Variants in CROCC2 observed in about 807,000 individuals in gnomAD.
CROCC2 encodes the protein ciliary rootlet coiled-coil, rootletin family member 2, also known as ciliary rootlet coiled-coil protein 2.
A neutral mutation model predicts 177.6 loss-of-function variants in CROCC2; 163 were observed. That is an observed-to-expected ratio of 0.92 (90% confidence interval 0.81 to 1.05). CROCC2 has a LOEUF of 1.05. CROCC2 is among the 50% of genes least tolerant of loss of function. The probability of loss-of-function intolerance (pLI) is 0.00; values close to 1 mark genes in which losing one functional copy is unlikely to be tolerated. For missense variants in CROCC2, 1,929 were observed against 1,797.8 expected (o/e 1.07, Z -1.32); for synonymous variants, 904 against 787.3 (o/e 1.15, Z -2.48).
chr2:240,966,137 A>G (rs2106480600), intron 24 of CROCC2, 88 bp from the exon 25 acceptor site: 1 of 1,247,550 alleles, frequency 8.0e-7, no homozygotes, highest in Non-Finnish European at 1.0e-6. Flanking sequence ...CCAACCTCCC[A>G]TGGCTGGGGC....
In CROCC2 at chr2:240,932,691, G is replaced by T; in HGVS notation, c.1045-11G>T. 2 of 734,156 alleles carry T rather than the reference G, an allele frequency of 2.7e-6. No individual in the cohort carries two copies. The highest frequency in any genetic ancestry group is 2.7e-5 in the East Asian group (1 of 37,344). The allele number at this position is 734,156 out of a possible 1,614,324, so 45.5% of individuals were successfully genotyped here. On this transcript the variant is annotated splice_polypyrimidine_tract_variant and intron_variant, in intron 8 of 31. Transcript: ENST00000690015. ...TGGGCCCCTCTATCCCTTCCTCTCTGCACCTTGAAGGTGGCCCAGGAGGAC... is the reference window on the plus strand; with the variant it reads ...TGGGCCCCTCTATCCCTTCCTCTCTTCACCTTGAAGGTGGCCCAGGAGGAC...
At chr2:240,964,649 C>T (rs1285593145) in intron 22 of CROCC2, 24 bp downstream of exon 22, 15 of 1,543,720 alleles carry the variant, frequency 9.7e-6, no homozygotes, top group Non-Finnish European at 1.1e-5. Context: ...GAGGGGTCAA[C>T]ATCCAACCAG....
intron 15 of CROCC2, among the ~76,000 whole-genome samples, chr2:240,946,965 G>A (rs1333878980): frequency 1.3e-5 from 2 of 152,252 alleles, no homozygotes; most frequent in East Asian, 1.9e-4. Context: ...AAGTTGGGAC[G>A]GGCACTCGCA....
chr2:240,968,727 C>A (rs1033670770), intron 27 of CROCC2, among the ~76,000 whole-genome samples: 2 of 152,250 alleles, frequency 1.3e-5, no homozygotes, highest in African/African-American at 4.8e-5. Flanking sequence ...ACAGAAGGGG[C>A]CTCTCAGGAA....
intron 18 of CROCC2, chr2:240,955,044 A>G (rs887848183): frequency 2.6e-5 from 4 of 152,044 alleles, no homozygotes; most frequent in African/African-American, 9.7e-5. Context: ...TGAAAAGTCT[A>G]TGCCGGCTCC....
intron 28 of CROCC2, among the ~76,000 whole-genome samples, chr2:240,984,538 CCCAGGCACTCACTCCACACACA>C (rs1487073309): frequency 1.4e-4 from 16 of 117,654 alleles, no homozygotes; most frequent in African/African-American, 4.1e-4. Context: ...TCCACACACA[CCCAGGCACTCACTCCACACACA>C]CCCAGGCACT....
intron 30 of CROCC2, 41 bp downstream of exon 30, chr2:240,989,874 A>G: frequency 6.7e-7 from 1 of 1,494,210 alleles, no homozygotes; most frequent in Non-Finnish European, 9.0e-7. Context: ...GGGAAGAGGC[A>G]GGGACAGAGG....
At chr2:240,967,131 A>C (rs2059689166) in intron 25 of CROCC2, among the ~76,000 whole-genome samples, 1 of 150,826 alleles carries the variant, frequency 6.6e-6, no homozygotes, top group Non-Finnish European at 1.5e-5. Context: ...GGGCGCCTCC[A>C]CCTCCCCAGG....
In CROCC2 at chr2:240,973,329, C is replaced by T. The variant is rs548372044; in HGVS notation, c.4401+5067C>T. 4.5e-4 allele frequency among the ~76,000 whole-genome samples: 68 copies of T among 152,262 alleles called. No individual in the cohort carries two copies. Among genetic ancestry groups the T allele is most frequent in the South Asian group, 3.9e-3 (19 of 4,816 alleles). ...CCGTGGTGTCAGGACACGCACGGAA[C>T]GCAGCAGCAGTGCCCAAGTAGCTGG... On this transcript the variant is annotated intron_variant, in intron 27 of 31. Coordinates refer to ENST00000690015, the MANE Select transcript of CROCC2 (RefSeq NM_001351305.2). The surrounding 1 kb of genome is among the most constrained non-coding windows in gnomAD (Gnocchi z 4.7).
chr2:240,986,915 C>A (rs1399891397), intron 28 of CROCC2, among the ~76,000 whole-genome samples: 1 of 152,200 alleles, frequency 6.6e-6, no homozygotes, highest in East Asian at 1.9e-4. Context: ...AGCAGGGTGG[C>A]CCTTCCCAAG....
intron 18 of CROCC2, chr2:240,955,214 T>C (rs2059583218): frequency 6.6e-6 from 1 of 152,168 alleles, no homozygotes; most frequent in Non-Finnish European, 1.5e-5. Flanking sequence ...TGCCTCCAGC[T>C]TTGTTGCCAT....
chr2:240,948,825 A>G (rs926382910), intron 15 of CROCC2, among the ~76,000 whole-genome samples, 154 bp from the exon 16 acceptor site: 4 of 152,246 alleles, frequency 2.6e-5, no homozygotes, highest in Non-Finnish European at 5.9e-5. Context: ...TTAACAGCAC[A>G]TGGTGCTCCA....
rs1199583026 is a variant in CROCC2 at position 240,964,460 on chromosome 2, C to T, written c.3306-6C>T. ...CGGGGGCCCCAGCCTGTGGCACCCT[C>T]GTCAGTTTTAAGCGGTCCAAGGAGG... On this transcript the variant is annotated splice_region_variant and splice_polypyrimidine_tract_variant and intron_variant, in intron 21 of 31. Transcript: ENST00000690015. The T allele has an allele frequency of 2.6e-6, 4 of 1,548,416 alleles. No individual in the cohort carries two copies. The highest frequency in any genetic ancestry group is 2.7e-5 in the African/African-American group (2 of 73,078).
rs2059332769 is a variant in CROCC2 at position 240,918,248 on chromosome 2, A to G, written c.79-478A>G. 6.6e-6 allele frequency among the ~76,000 whole-genome samples: 1 copy of G among 151,824 alleles called. No individual in the cohort carries two copies. Among genetic ancestry groups the G allele is most frequent in the African/African-American group, 2.4e-5 (1 of 41,304 alleles). Reference sequence around the variant, plus strand: ...AGCCCCCACCCCCCAACAAACACACACAAACACACTGGGCTCTGTGACTGC... The same window carrying G: ...AGCCCCCACCCCCCAACAAACACACGCAAACACACTGGGCTCTGTGACTGC... On this transcript the variant is annotated intron_variant, in intron 1 of 31. Transcript: ENST00000690015. The surrounding 1 kb of genome is among the most constrained non-coding windows in gnomAD (Gnocchi z 6.3).
intron 14 of CROCC2, among the ~76,000 whole-genome samples, chr2:240,942,194 G>A (rs892270546): frequency 6.6e-6 from 1 of 152,066 alleles, no homozygotes; most frequent in African/African-American, 2.4e-5. Flanking sequence ...CATACTTTTT[G>A]CTCTTGTTGT....
At chr2:240,945,266 A>G (rs1240545316) in intron 14 of CROCC2, among the ~76,000 whole-genome samples, 1 of 152,178 alleles carries the variant, frequency 6.6e-6, no homozygotes, top group Non-Finnish European at 1.5e-5. Context: ...GCAGGCAGTG[A>G]ACGTAGAAGG....
intron 27 of CROCC2, among the ~76,000 whole-genome samples, chr2:240,968,618 C>T (rs2059701151): frequency 6.6e-6 from 1 of 152,236 alleles, no homozygotes; most frequent in Admixed American, 6.5e-5. Context: ...GCTGAGGCCA[C>T]AGCGGCAGGC....
In CROCC2 at chr2:240,965,819, G is replaced by A. The variant is rs1374451568; in HGVS notation, c.3787G>A (p.Asp1263Asn). The change falls in exon 24 of 32, where the codon GAC becomes AAC. Residue 1263 changes from aspartate (D) to asparagine (N), a missense_variant. Asp to Asn is a conservative substitution (Grantham distance 23). This residue lies in a region of CROCC2 where 144 missense variants were observed against 205.2 expected (regional missense o/e 0.70). Coordinates refer to ENST00000690015, the MANE Select transcript of CROCC2 (RefSeq NM_001351305.2). ...GGCTGATGCTCTCCAGGCTCGCCTGGACCAGGCCTGTCACCGAATCCACAG... is the reference window on the plus strand; with the variant it reads ...GGCTGATGCTCTCCAGGCTCGCCTGAACCAGGCCTGTCACCGAATCCACAG... ...GVADALQARL[D>N]QACHRIHSLE... is the part of the protein sequence containing the mutation. 1.4e-6 allele frequency: 2 copies of A among 1,459,828 alleles called. No individual in the cohort carries two copies. Among genetic ancestry groups the A allele is most frequent in the Non-Finnish European group, 1.8e-6 (2 of 1,104,086 alleles). 90.4% of individuals were successfully genotyped at this position (1,459,828 alleles called of 1,614,324 possible). A position where few individuals can be genotyped will look rare whatever the true frequency, so the allele number is the denominator to read the frequency against.
In CROCC2 at chr2:240,958,926, T is replaced by A. The variant is rs1341472360; in HGVS notation, c.2944-375T>A. On this transcript the variant is annotated intron_variant, in intron 19 of 31. Coordinates refer to ENST00000690015, the MANE Select transcript of CROCC2 (RefSeq NM_001351305.2). This position sits in a 1 kb window ranked among gnomAD's most constrained non-coding sequence, Gnocchi z 6.7. ...AGGCCCGAGAGGACACCTCGGGTGGTGTGTGCGACAGGGAGCCGACTCCAG... is the reference window on the plus strand; with the variant it reads ...AGGCCCGAGAGGACACCTCGGGTGGAGTGTGCGACAGGGAGCCGACTCCAG... 6.6e-6 allele frequency among the ~76,000 whole-genome samples: 1 copy of A among 151,930 alleles called. No homozygotes were observed. The highest frequency in any genetic ancestry group is 1.5e-5 in the Non-Finnish European group (1 of 67,950).
Sources: gnomAD v4.1 joint callset for allele counts (sites outside exome capture counted in the v4.1 genomes callset) on GRCh38, gnomAD v4.1.1 for gene constraint, gnomAD v4.1.1 regional missense constraint, Gnocchi (gnomAD v3.1) non-coding constraint, MANE v1.5 for transcripts, NCBI Gene and HGNC (gene_info 2026-07-23, HGNC 2026-07-21) for gene names.